METTL21A: variants seen among roughly 807,000 people sequenced by gnomAD.
METTL21A encodes the protein methyltransferase 21A, HSPA lysine.
A neutral mutation model predicts 20.9 loss-of-function variants in METTL21A; 22 were observed. The ratio of observed to expected loss-of-function variants is 1.05; its 90% CI spans 0.75 to 1.50. The LOEUF (loss-of-function observed/expected upper bound fraction) is 1.50. METTL21A is among the 40% of genes most tolerant of loss of function. The pLI is 0.00. For missense variants in METTL21A, 271 were observed against 266.8 expected (o/e 1.02, Z -0.11); for synonymous variants, 93 against 102.0 (o/e 0.91, Z 0.53).
chr2:207,624,260 T>G, exon 2 of METTL21A: 5 of 1,612,084 alleles, frequency 3.1e-6, no homozygotes, highest in Non-Finnish European at 3.4e-6. Context: ...GACTCCCAGG[T>G]GTCTCCAGTC....
At chr2:207,623,899 C>T (rs1261000965) in intron 2 of METTL21A, among the ~76,000 whole-genome samples, 1 of 152,168 alleles carries the variant, frequency 6.6e-6, no homozygotes, top group African/African-American at 2.4e-5. Context: ...GGGGGCTTTC[C>T]TTCCTATCCT....
chr2:207,606,559 TA>T (rs2088142826), downstream of METTL21A, among the ~76,000 whole-genome samples: 1 of 152,192 alleles, frequency 6.6e-6, no homozygotes, highest in Non-Finnish European at 1.5e-5. Flanking sequence ...AGTGCTAAGA[TA>T]GTACAAGTTT....
intron 3 of METTL21A, among the ~76,000 whole-genome samples, chr2:207,586,389 C>A (rs562860993): frequency 6.6e-6 from 1 of 152,086 alleles, no homozygotes; most frequent in Admixed American, 6.5e-5. Flanking sequence ...AAACTAGATA[C>A]CTATCACCAT....
intron 3 of METTL21A, among the ~76,000 whole-genome samples, chr2:207,617,453 G>C (rs1469999411): frequency 6.6e-6 from 1 of 152,242 alleles, no homozygotes; most frequent in Non-Finnish European, 1.5e-5. Flanking sequence ...CAAGGAAAAG[G>C]TGTGAAGAAA....
intron 3 of METTL21A, among the ~76,000 whole-genome samples, chr2:207,589,683 G>A (rs2084587119): frequency 6.6e-6 from 1 of 151,974 alleles, no homozygotes; most frequent in Non-Finnish European, 1.5e-5. Flanking sequence ...GTTTAATCTT[G>A]TCAAATGCTT....
intron 3 of METTL21A, among the ~76,000 whole-genome samples, chr2:207,596,227 A>C (rs1438481238): frequency 6.6e-6 from 1 of 152,158 alleles, no homozygotes; most frequent in African/African-American, 2.4e-5. Context: ...AGAGACTGTT[A>C]GATTTTTTTA....
chr2:207,613,228 G>A (rs754094310), exon 4 of METTL21A: 1 of 1,613,688 alleles, frequency 6.2e-7, no homozygotes, highest in Admixed American at 1.7e-5. Flanking sequence ...AGATGTTCCA[G>A]TGTCTGAAGA....
chr2:207,585,190 G>A (rs1052702453), intron 3 of METTL21A, among the ~76,000 whole-genome samples: 7 of 152,118 alleles, frequency 4.6e-5, no homozygotes, highest in Non-Finnish European at 2.9e-5. Flanking sequence ...TGCTGCCACC[G>A]TAAAGGCCTT....
At chr2:207,588,256 T>C (rs1352405702) in intron 3 of METTL21A, among the ~76,000 whole-genome samples, 1 of 152,216 alleles carries the variant, frequency 6.6e-6, no homozygotes, top group Non-Finnish European at 1.5e-5. Flanking sequence ...TTTTTTTATA[T>C]AGGAACATCC....
chr2:207,584,403 G>T (rs1490043426), intron 3 of METTL21A, among the ~76,000 whole-genome samples: 1 of 151,848 alleles, frequency 6.6e-6, no homozygotes, highest in African/African-American at 2.4e-5. Flanking sequence ...CTTCACTAGT[G>T]ACTTTTTTTT....
chr2:207,598,557 T>C (rs2086547851), intron 3 of METTL21A: 1 of 177,380 alleles, frequency 5.6e-6, no homozygotes, highest in South Asian at 2.0e-4. Flanking sequence ...TTATAATTTC[T>C]CATTTGGAGC....
chr2:207,603,415 C>T (rs2106654208), intron 3 of METTL21A: 1 of 224,516 alleles, frequency 4.5e-6, no homozygotes, highest in Non-Finnish European at 8.9e-6. Flanking sequence ...GTCACATAAA[C>T]ATGCTTTTAA....
At position 207,602,429 on chromosome 2, in the gene METTL21A, T is replaced by C. The variant is rs1575072717; in HGVS notation, c.259+19377A>G. ...GCAAGTAAAAGGAAAATGAACAATC[T>C]TTTGGAATTGTCTTTGAAAAGGATC... On this transcript the variant is annotated intron_variant, in intron 3 of 3. Transcript: ENST00000425132. 5 of 199,088 alleles carry C rather than the reference T, an allele frequency of 2.5e-5. No homozygotes were observed. The East Asian group carries it at 3.9e-4, about 15-fold the overall frequency. The allele number at this position is 199,088 out of a possible 1,614,324, so 12.3% of individuals were successfully genotyped here. A position where few individuals can be genotyped will look rare whatever the true frequency, so the allele number is the denominator to read the frequency against.
downstream of METTL21A, among the ~76,000 whole-genome samples, chr2:207,608,720 A>C (rs2088504202): frequency 2.0e-5 from 3 of 152,148 alleles, no homozygotes; most frequent in South Asian, 4.1e-4. Flanking sequence ...TCATGAAGAG[A>C]TCGAGACCAC....
At chr2:207,624,554 G>A (rs909613568) in intron 1 of METTL21A, 150 bp from the exon 2 acceptor site, 1 of 613,826 alleles carries the variant, frequency 1.6e-6, no homozygotes, top group Non-Finnish European at 2.6e-6. Flanking sequence ...CTTTTGCATG[G>A]CTCTTCCGAA....
chr2:207,592,588 T>C (rs867551775), intron 3 of METTL21A, among the ~76,000 whole-genome samples: 17 of 152,130 alleles, frequency 1.1e-4, no homozygotes, highest in African/African-American at 3.4e-4. Context: ...ATTTATCTTA[T>C]TCTTCTTGTG....
chr2:207,615,693 T>TAAAAAAAAAAAAAAA (rs755303520), intron 3 of METTL21A: 1 of 108,648 alleles, frequency 9.2e-6, no homozygotes, highest in Non-Finnish European at 1.9e-5. Flanking sequence ...AGACTCCGTC[T>TAAAAAAAAAAAAAAA]AAAAAAAAAA....
At chr2:207,597,603 T>C in intron 3 of METTL21A, 2 of 209,306 alleles carry the variant, frequency 9.6e-6, no homozygotes. Flanking sequence ...TAGCATGGTA[T>C]TGAAGGAATT....
intron 3 of METTL21A, among the ~76,000 whole-genome samples, chr2:207,593,557 C>G (rs1055020810): frequency 6.6e-6 from 1 of 151,928 alleles, no homozygotes; most frequent in African/African-American, 2.4e-5. Context: ...GCAAATGCTA[C>G]TTTTTTCTGA....
Sources: gnomAD v4.1 joint callset for allele counts (sites outside exome capture counted in the v4.1 genomes callset) on GRCh38, gnomAD v4.1.1 for gene constraint, MANE v1.5 for transcripts, NCBI Gene and HGNC (gene_info 2026-07-23, HGNC 2026-07-21) for gene names.